KANK1: variants seen among roughly 807,000 people sequenced by gnomAD.
KANK1 encodes KN motif and ankyrin repeat domains 1, also known as KN motif and ankyrin repeat domain-containing protein 1.
A neutral mutation model predicts 106.2 loss-of-function variants in KANK1; 109 were observed. The ratio of observed to expected loss-of-function variants is 1.03; its 90% CI spans 0.88 to 1.20. The LOEUF (loss-of-function observed/expected upper bound fraction) is 1.20. Ranked by LOEUF, KANK1 falls within the 50% of genes most tolerant of loss-of-function variation. The pLI is 0.00. For missense variants in KANK1, 2,399 were observed against 1,710.7 expected (o/e 1.40, Z -7.10); for synonymous variants, 873 against 652.2 (o/e 1.34, Z -5.16).
intron 3 of KANK1, among the ~76,000 whole-genome samples, chr9:715,359 C>A (rs999563350): frequency 6.5e-5 from 1 of 15,452 alleles, no homozygotes; most frequent in Non-Finnish European, 9.9e-5. Flanking sequence ...TTCTTAAATA[C>A]CTCCAGACAG....
chr9:709,707 C>G (rs1364156043), intron 2 of KANK1, among the ~76,000 whole-genome samples: 1 of 151,420 alleles, frequency 6.6e-6, no homozygotes, highest in African/African-American at 2.4e-5. Flanking sequence ...CCTCCACCTC[C>G]TGGATTCAAG....
intron 3 of KANK1, among the ~76,000 whole-genome samples, chr9:488,628 AT>A (rs201908491): frequency 0.014 from 2,089 of 152,322 alleles, 28 homozygotes; most frequent in South Asian, 0.031. Flanking sequence ...GGGGGAATGA[AT>A]CAGTCAATGT....
intron 1 of KANK1, among the ~76,000 whole-genome samples, chr9:672,758 G>A (rs368420994): frequency 2.0e-5 from 3 of 152,058 alleles, no homozygotes; most frequent in African/African-American, 4.8e-5. Flanking sequence ...CAATGTTTCC[G>A]TCATTCATTG....
chr9:651,704 T>C (rs1172527570), intron 1 of KANK1, among the ~76,000 whole-genome samples: 1 of 152,208 alleles, frequency 6.6e-6, no homozygotes. Flanking sequence ...CTCCATATAA[T>C]GTAGTGGATA....
chr9:483,761 G>C (rs1312547607), intron 3 of KANK1, among the ~76,000 whole-genome samples: 2 of 152,132 alleles, frequency 1.3e-5, no homozygotes, highest in East Asian at 3.9e-4. Context: ...GACACCTCAG[G>C]GTAGAGGAGA....
intron 1 of KANK1, among the ~76,000 whole-genome samples, chr9:675,097 A>T (rs1242612601): frequency 1.3e-5 from 2 of 152,210 alleles, no homozygotes; most frequent in Non-Finnish European, 2.9e-5. Context: ...CACCACAGTG[A>T]ACATTTTGGT....
chr9:594,841 C>G (rs973535545), intron 1 of KANK1, among the ~76,000 whole-genome samples: 1 of 151,822 alleles, frequency 6.6e-6, no homozygotes. Flanking sequence ...TTCCCTGTCT[C>G]TCCTCTTTCA....
intron 3 of KANK1, among the ~76,000 whole-genome samples, chr9:715,576 G>T (rs1344167393): frequency 6.6e-6 from 1 of 152,194 alleles, no homozygotes; most frequent in East Asian, 1.9e-4. Context: ...CAGTCACACT[G>T]ACATGCCACA....
intron 1 of KANK1, among the ~76,000 whole-genome samples, chr9:541,559 G>T (rs1170846329): frequency 6.6e-6 from 1 of 152,042 alleles, no homozygotes; most frequent in Admixed American, 6.6e-5. Context: ...CATTAGCCTG[G>T]GCAATGATGT....
intron 3 of KANK1, among the ~76,000 whole-genome samples, chr9:720,848 T>C (rs1829122924): frequency 6.6e-6 from 1 of 152,216 alleles, no homozygotes; most frequent in East Asian, 1.9e-4. Flanking sequence ...ACTTTCTGTT[T>C]AGTATGAACA....
At chr9:610,750 G>A (rs1165783188) in intron 1 of KANK1, among the ~76,000 whole-genome samples, 1 of 152,130 alleles carries the variant, frequency 6.6e-6, no homozygotes, top group Non-Finnish European at 1.5e-5. Context: ...AGGGTTAGTT[G>A]AGACAGCTTT....
At chr9:581,063 C>G (rs12378779) in intron 1 of KANK1, among the ~76,000 whole-genome samples, 3,371 of 151,960 alleles carry the variant, frequency 0.022, 52 homozygotes, top group Middle Eastern at 0.034. Context: ...GTGTGGGGCC[C>G]GCCGAGCCCA....
intron 10 of KANK1, among the ~76,000 whole-genome samples, chr9:744,109 A>G (rs12002969): frequency 5.4e-4 from 82 of 152,318 alleles, no homozygotes; most frequent in African/African-American, 1.9e-3. Context: ...TGCCCTCTCT[A>G]AGAGGAAAGG....
chr9:502,794 G>A (rs546740334), upstream of KANK1, among the ~76,000 whole-genome samples: 1 of 152,062 alleles, frequency 6.6e-6, no homozygotes, highest in Non-Finnish European at 1.5e-5. Flanking sequence ...ACAAAGTGCT[G>A]GGATTATAGG....
At chr9:594,227 T>A (rs1047514861) in intron 1 of KANK1, among the ~76,000 whole-genome samples, 1 of 151,906 alleles carries the variant, frequency 6.6e-6, no homozygotes, top group East Asian at 1.9e-4. Flanking sequence ...TAGCTCTTTA[T>A]GTTTTTCTGC....
At chr9:696,977 T>G (rs1821460266) in intron 2 of KANK1, among the ~76,000 whole-genome samples, 1 of 152,154 alleles carries the variant, frequency 6.6e-6, no homozygotes, top group African/African-American at 2.4e-5. Flanking sequence ...ATAAAATTTA[T>G]TTTTAAATAA....
chr9:655,370 TAAAAAAAA>T (rs59311073), intron 1 of KANK1, among the ~76,000 whole-genome samples: 1 of 137,846 alleles, frequency 7.3e-6, no homozygotes, highest in African/African-American at 2.7e-5. Flanking sequence ...AAATTCTGTC[TAAAAAAAA>T]AAAAAAAAAA....
intron 1 of KANK1, among the ~76,000 whole-genome samples, chr9:616,612 C>G (rs1364825005): frequency 2.6e-5 from 4 of 152,144 alleles, no homozygotes; most frequent in Non-Finnish European, 1.5e-5. Flanking sequence ...ACTAAGTGTC[C>G]TTTCTAAGCC....
intron 2 of KANK1, among the ~76,000 whole-genome samples, chr9:708,353 GAGA>G (rs1359341449): frequency 1.3e-5 from 2 of 152,248 alleles, no homozygotes; most frequent in Admixed American, 6.5e-5. Context: ...AAGGGAAAGA[GAGA>G]AGGACAGCTA....
Sources: gnomAD v4.1 joint callset for allele counts (sites outside exome capture counted in the v4.1 genomes callset) on GRCh38, gnomAD v4.1.1 for gene constraint, MANE v1.5 for transcripts, NCBI Gene and HGNC (gene_info 2026-07-23, HGNC 2026-07-21) for gene names.